TMEM87A: variants seen among roughly 807,000 people sequenced by gnomAD.
TMEM87A encodes the protein transmembrane protein 87A.
In TMEM87A, 50 loss-of-function variants were observed where a neutral mutation model predicts 90.0. The observed-to-expected ratio is 0.56, with a 90% confidence interval of 0.44 to 0.70. TMEM87A has a LOEUF of 0.70. Among genes scored for constraint, TMEM87A ranks in the 30% least tolerant of loss-of-function variants. The pLI is 0.00. For missense variants in TMEM87A, 577 were observed against 660.5 expected, an observed-to-expected ratio of 0.87 and a Z score of 1.39; for synonymous variants, 226 against 226.7, an observed-to-expected ratio of 1.00 and a Z score of 0.03.
In TMEM87A at chr15:42,249,479, G is replaced by A. The variant is rs573649367; in HGVS notation, c.505-5312C>T. On this transcript the variant is annotated intron_variant, in intron 6 of 19. Coordinates refer to ENST00000389834, the MANE Select transcript of TMEM87A (RefSeq NM_015497.5). ...TGTGTCCCAGAGATTCTGGTATGTT[G>A]TGTCTTTGTTCTCATTGGTTTCAAA... 1.4e-3 allele frequency among the ~76,000 whole-genome samples: 208 copies of A among 152,258 alleles called. 1 individual carries two copies. Among genetic ancestry groups the A allele is most frequent in the African/African-American group, 4.9e-3 (204 of 41,534 alleles).
chr15:42,272,669 G>A (rs1158084360), intron 1 of TMEM87A: 5 of 319,534 alleles, frequency 1.6e-5, no homozygotes, highest in Non-Finnish European at 3.0e-5. Context: ...TGAAAGACTA[G>A]CCTTACCACA....
intron 8 of TMEM87A, among the ~76,000 whole-genome samples, chr15:42,238,970 C>T (rs1422365703): frequency 6.6e-6 from 1 of 152,000 alleles, no homozygotes; most frequent in Non-Finnish European, 1.5e-5. Context: ...GAGACACAGA[C>T]GTATGCACAC....
At chr15:42,270,452 T>C (rs1222036278) in intron 2 of TMEM87A, among the ~76,000 whole-genome samples, 1 of 151,594 alleles carries the variant, frequency 6.6e-6, no homozygotes, top group Admixed American at 6.6e-5. Context: ...CAGTTAGGGC[T>C]GGGCATAGAG....
intron 6 of TMEM87A, among the ~76,000 whole-genome samples, chr15:42,253,907 C>G (rs965127651): frequency 6.6e-6 from 1 of 152,142 alleles, no homozygotes; most frequent in African/African-American, 2.4e-5. Context: ...ATGTAAGAAA[C>G]TGAAGCACAA....
intron 6 of TMEM87A, among the ~76,000 whole-genome samples, chr15:42,254,131 A>T (rs2051135052): frequency 6.6e-6 from 1 of 151,762 alleles, no homozygotes; most frequent in Admixed American, 6.6e-5. Flanking sequence ...TCATGGTATG[A>T]TCTCAAAATT....
rs548053237 is a variant in TMEM87A at position 42,247,234 on chromosome 15, T to C, written c.505-3067A>G. Among the ~76,000 whole-genome samples, 5 of 152,364 alleles carry C rather than the reference T, an allele frequency of 3.3e-5. No homozygotes were observed. In the South Asian group the frequency reaches 8.3e-4, roughly 25 times the overall value. On this transcript the variant is annotated intron_variant, in intron 6 of 19. Transcript: ENST00000389834. ...GAATTGTAAAAATTTTCTCCTATTC[T>C]GCAGGTTGCCTGTTCACTCTGACGG...
intron 7 of TMEM87A, 111 bp downstream of exon 7, chr15:42,243,939 G>T: frequency 1.8e-6 from 1 of 571,018 alleles, no homozygotes; most frequent in Non-Finnish European, 2.9e-6. Context: ...AGTGTCAAAT[G>T]AAGGAAATAG....
At chr15:42,226,049 C>T (rs1164334785) in intron 15 of TMEM87A, among the ~76,000 whole-genome samples, 1 of 152,024 alleles carries the variant, frequency 6.6e-6, no homozygotes, top group East Asian at 1.9e-4. Context: ...GTCACCTATG[C>T]TGTGCAGTGG....
chr15:42,255,258 C>T (rs1027325526), intron 6 of TMEM87A, among the ~76,000 whole-genome samples: 3 of 152,096 alleles, frequency 2.0e-5, no homozygotes, highest in African/African-American at 7.2e-5. Flanking sequence ...CTCAGCCTCC[C>T]AAGTAGCTAG....
chr15:42,242,625 AGTG>A (rs1595728509), intron 7 of TMEM87A, among the ~76,000 whole-genome samples: 1 of 152,258 alleles, frequency 6.6e-6, no homozygotes, highest in East Asian at 1.9e-4. Flanking sequence ...AAAACCAAGT[AGTG>A]GTATCCCAGA....
intron 13 of TMEM87A, 108 bp downstream of exon 13, chr15:42,228,604 C>T (rs2050636243): frequency 5.8e-6 from 5 of 864,336 alleles, no homozygotes; most frequent in Non-Finnish European, 9.4e-6. Context: ...AACCCTTTTC[C>T]AAGTGAAATA....
chr15:42,239,665 C>G lies in TMEM87A; in HGVS notation c.684+5G>C. The stretch of plus-strand genomic sequence containing the variant: ...ACTGAGGTTAAATAATATAAAGTCA[C>G]TTACAATCATCAAGGGATAGTCTTC... On this transcript the variant is annotated splice_donor_5th_base_variant and intron_variant, in intron 8 of 19. Transcript: ENST00000389834. 1 of 1,612,314 alleles carries G rather than the reference C, an allele frequency of 6.2e-7. No homozygotes were observed. The highest frequency in any genetic ancestry group is 8.5e-7 in the Non-Finnish European group (1 of 1,178,376).
intron 6 of TMEM87A, among the ~76,000 whole-genome samples, chr15:42,246,184 T>A (rs1566934064): frequency 1.3e-5 from 2 of 152,250 alleles, no homozygotes; most frequent in Admixed American, 6.5e-5. Flanking sequence ...AGGGTTCATC[T>A]ATATTGCTGT....
chr15:42,246,826 G>C (rs1009630402), intron 6 of TMEM87A, among the ~76,000 whole-genome samples: 1 of 152,122 alleles, frequency 6.6e-6, no homozygotes, highest in Middle Eastern at 3.2e-3. Flanking sequence ...GGATGGCTGG[G>C]TCAACTGGTA....
At chr15:42,217,419 G>C (rs1043581980) in intron 19 of TMEM87A, among the ~76,000 whole-genome samples, 1 of 152,148 alleles carries the variant, frequency 6.6e-6, no homozygotes, top group African/African-American at 2.4e-5. Context: ...TTTAGATTTT[G>C]TTTTGGTCTA....
Position 42,228,708 on chromosome 15 carries a change from T to C in TMEM87A, c.1240+4A>G. ...GAACTCCAAGAAGAAAGTCCCAGAC[T>C]TACCTGCCACTGCCAAAATAAGCGT... On this transcript the variant is annotated splice_donor_region_variant and intron_variant, in intron 13 of 19. Transcript: ENST00000389834. 6.2e-7 allele frequency: 1 copy of C among 1,612,640 alleles called. No homozygotes were observed. Among genetic ancestry groups the C allele is most frequent in the Non-Finnish European group, 8.5e-7 (1 of 1,178,714 alleles).
intron 16 of TMEM87A, 136 bp downstream of exon 16, chr15:42,219,926 A>G: frequency 1.2e-6 from 1 of 812,388 alleles, no homozygotes; most frequent in African/African-American, 1.8e-5. Context: ...TCATCTTAAG[A>G]TTCACACCCT....
In TMEM87A at chr15:42,263,957, T is replaced by C; in HGVS notation, c.405+133A>G. On this transcript the variant is annotated intron_variant, in intron 4 of 19. Coordinates refer to ENST00000389834, the MANE Select transcript of TMEM87A (RefSeq NM_015497.5). ...GAGTATGTATAAGTGGCTGACTATG[T>C]ACCTATCAGAACATGCTTCCACTTA... The C allele has an allele frequency of 7.7e-6, 5 of 651,710 alleles. No homozygotes were observed. The South Asian group carries it at 9.5e-5, about 12-fold the overall frequency. 40.4% of individuals were successfully genotyped at this position (651,710 alleles called of 1,614,324 possible).
chr15:42,228,729 A>C lies in TMEM87A; in HGVS notation c.1223T>G (p.Leu408Arg). The change falls in exon 13 of 20, where the codon CTT becomes CGT. Residue 408 changes from leucine (L) to arginine (R), a missense_variant. Physicochemically the swap from Leu to Arg is moderately radical, Grantham distance 102. Transcript: ENST00000389834. The stretch of plus-strand genomic sequence containing the variant: ...AGACTTACCTGCCACTGCCAAAATA[A>C]GCGTGTTGGTGAAATGCCGATACAA... ...LSLYRHFTNT[L>R]ILAVAASIVF... The C allele has an allele frequency of 6.2e-7, 1 of 1,612,940 alleles. No homozygotes were observed. The highest frequency in any genetic ancestry group is 8.5e-7 in the Non-Finnish European group (1 of 1,179,686).
Sources: allele counts gnomAD v4.1 joint callset (sites outside exome capture counted in the v4.1 genomes callset), GRCh38; gene constraint gnomAD v4.1.1; transcripts MANE v1.5; gene names NCBI Gene and HGNC (gene_info 2026-07-23, HGNC 2026-07-21).